The following FAM53B variants were observed in gnomAD, a reference collection of about 807,000 sequenced individuals.
FAM53B encodes protein FAM53B.
Under a neutral mutation model 32.7 loss-of-function variants are expected in FAM53B, and 12 were observed. That is an observed-to-expected ratio of 0.37 (90% confidence interval 0.24 to 0.59). The LOEUF is 0.59. Ranked by LOEUF, FAM53B falls within the 20% of genes least tolerant of loss-of-function variation. FAM53B has a pLI of 0.72. For synonymous variants in FAM53B, 234 were observed against 228.7 expected, an observed-to-expected ratio of 1.02 and a Z score of -0.21; for missense variants, 477 against 577.7, an observed-to-expected ratio of 0.83 and a Z score of 1.79.
chr10:124,632,848 C>A (rs1949400361), intron 4 of FAM53B, among the ~76,000 whole-genome samples: 1 of 152,230 alleles, frequency 6.6e-6, no homozygotes, highest in Non-Finnish European at 1.5e-5. Context: ...GGAAAGCATG[C>A]AGTCCTCCGG....
At chr10:124,662,099 G>C (rs1464391080) in intron 4 of FAM53B, among the ~76,000 whole-genome samples, 2 of 152,178 alleles carry the variant, frequency 1.3e-5, no homozygotes, top group Non-Finnish European at 2.9e-5. Flanking sequence ...GATGGGAGGG[G>C]CCTGGCACCC....
At position 124,657,114 on chromosome 10, in the gene FAM53B, G is replaced by GTGTATATATA. The variant is rs1564869721; in HGVS notation, c.906+24492_906+24493insTATATATACA. Among the ~76,000 whole-genome samples the GTGTATATATA allele has an allele frequency of 3.7e-3, 514 of 137,900 alleles. 3 individuals carry two copies. Among genetic ancestry groups the GTGTATATATA allele is most frequent in the Non-Finnish European group, 6.3e-3 (408 of 64,326 alleles). The allele number at this position is 137,900 out of a possible 152,430, so 90.5% of individuals were successfully genotyped here. A position where few individuals can be genotyped will look rare whatever the true frequency, so the allele number is the denominator to read the frequency against. The stretch of plus-strand genomic sequence containing the variant: ...TATATATATGTGTATATATATGTGT[G>GTGTATATATA]TGTGTATATATATGTGTGTATATAC... On this transcript the variant is annotated intron_variant, in intron 4 of 4. Coordinates refer to ENST00000337318, the MANE Select transcript of FAM53B (RefSeq NM_014661.4).
intron 1 of FAM53B, among the ~76,000 whole-genome samples, chr10:124,725,854 A>T (rs940902659): frequency 1.4e-4 from 21 of 152,210 alleles, no homozygotes; most frequent in Non-Finnish European, 4.4e-5. Flanking sequence ...CCAGAAAATA[A>T]GATGCAGTGG....
intron 4 of FAM53B, among the ~76,000 whole-genome samples, chr10:124,633,609 C>G (rs1949406666): frequency 6.6e-6 from 1 of 152,116 alleles, no homozygotes; most frequent in South Asian, 2.1e-4. Flanking sequence ...ACATGCATAC[C>G]TACAGAGACC....
At chr10:124,660,279 G>A (rs571481711) in intron 4 of FAM53B, among the ~76,000 whole-genome samples, 4 of 152,266 alleles carry the variant, frequency 2.6e-5, no homozygotes, top group East Asian at 3.9e-4. Context: ...ATCCATCCTC[G>A]CTCTGGCCCA....
chr10:124,671,281 A>G (rs979900830), intron 4 of FAM53B: 10 of 437,512 alleles, frequency 2.3e-5, no homozygotes, highest in Non-Finnish European at 3.8e-5. Flanking sequence ...CCTGCCTCTC[A>G]GGTCTTGCCC....
intron 1 of FAM53B, among the ~76,000 whole-genome samples, chr10:124,719,585 C>T (rs572583263): frequency 6.6e-6 from 1 of 152,318 alleles, no homozygotes; most frequent in East Asian, 1.9e-4. Context: ...GCAGCACACC[C>T]CAAAATGCTT....
At chr10:124,723,314 G>C (rs1245415153) in intron 1 of FAM53B, among the ~76,000 whole-genome samples, 1 of 152,254 alleles carries the variant, frequency 6.6e-6, no homozygotes, top group Non-Finnish European at 1.5e-5. Context: ...CTTGGTGCCA[G>C]AGATACTGAA....
intron 1 of FAM53B, among the ~76,000 whole-genome samples, chr10:124,739,869 TG>T (rs1278006246): frequency 6.6e-6 from 1 of 152,194 alleles, no homozygotes; most frequent in Non-Finnish European, 1.5e-5. Context: ...CCTTCAAACG[TG>T]TTTTTATTTT....
chr10:124,620,044 TTC>T lies in FAM53B; in HGVS notation c.*3196_*3197del, dbSNP rs1949296489. On this transcript the variant is annotated 3_prime_UTR_variant, in exon 5 of 5. Transcript: ENST00000337318. ...GAAGTTAGTTAGGGTTTGTTTTGTT[TTC>T]TTTTTAATGTGGACTTCCCCTTTAT... 1 of 152,468 alleles carries T rather than the reference TTC, an allele frequency of 6.6e-6. No homozygotes were observed. Among genetic ancestry groups the T allele is most frequent in the African/African-American group, 2.4e-5 (1 of 41,458 alleles). The allele number at this position is 152,468 out of a possible 1,614,324, so 9.4% of individuals were successfully genotyped here.
intron 4 of FAM53B, among the ~76,000 whole-genome samples, chr10:124,648,850 A>G (rs2134049334): frequency 6.6e-6 from 1 of 152,352 alleles, no homozygotes; most frequent in Non-Finnish European, 1.5e-5. Context: ...TGAGAAGAGA[A>G]AGCACCGTCC....
chr10:124,715,185 G>C (rs1950031517), intron 1 of FAM53B, among the ~76,000 whole-genome samples: 1 of 152,208 alleles, frequency 6.6e-6, no homozygotes, highest in Non-Finnish European at 1.5e-5. Context: ...AGCCCATCCT[G>C]AGGTGTCCCA....
chr10:124,687,452 A>T (rs1040940343), intron 3 of FAM53B, among the ~76,000 whole-genome samples: 7 of 152,246 alleles, frequency 4.6e-5, no homozygotes, highest in African/African-American at 1.7e-4. Flanking sequence ...CCTCGTAGCT[A>T]TTATGAGAAT....
chr10:124,710,627 G>A (rs1949995259), intron 1 of FAM53B, among the ~76,000 whole-genome samples: 1 of 152,192 alleles, frequency 6.6e-6, no homozygotes, highest in Non-Finnish European at 1.5e-5. Flanking sequence ...CACAGGGCGC[G>A]AGGTGGAAGC....
At chr10:124,638,479 G>A (rs1000559129) in intron 4 of FAM53B, among the ~76,000 whole-genome samples, 12 of 152,246 alleles carry the variant, frequency 7.9e-5, no homozygotes, top group Admixed American at 7.8e-4. Context: ...AAATAAAACT[G>A]CCCTAGAGGG....
intron 1 of FAM53B, among the ~76,000 whole-genome samples, chr10:124,737,920 A>G (rs1434574033): frequency 6.6e-6 from 1 of 152,160 alleles, no homozygotes; most frequent in Non-Finnish European, 1.5e-5. Flanking sequence ...CAGGGCCTGC[A>G]TGAGAACTGC....
chr10:124,717,804 G>A (rs1950046199), intron 1 of FAM53B, among the ~76,000 whole-genome samples: 2 of 152,170 alleles, frequency 1.3e-5, no homozygotes, highest in South Asian at 4.1e-4. Context: ...CAGGAAGTTA[G>A]CCAGTGACCA....
Position 124,620,292 on chromosome 10 carries a change from G to C in FAM53B, c.*2950C>G, listed in dbSNP as rs900083193. Reference sequence around the variant, plus strand: ...TGTGGCCCCAGCCCCTGGGCCCCACGGGTGGACGGCAGCCCCTGGCAGTTT... The same window carrying C: ...TGTGGCCCCAGCCCCTGGGCCCCACCGGTGGACGGCAGCCCCTGGCAGTTT... On this transcript the variant is annotated 3_prime_UTR_variant, in exon 5 of 5. Transcript: ENST00000337318. 11 of 152,590 alleles carry C rather than the reference G, an allele frequency of 7.2e-5. No homozygotes were observed. Among genetic ancestry groups the C allele is most frequent in the Admixed American group, 6.5e-4 (10 of 15,272 alleles). 9.5% of individuals were successfully genotyped at this position (152,590 alleles called of 1,614,324 possible). A position where few individuals can be genotyped will look rare whatever the true frequency, so the allele number is the denominator to read the frequency against.
At chr10:124,624,511 GC>G (rs1163638906) in intron 4 of FAM53B, among the ~76,000 whole-genome samples, 1 of 152,180 alleles carries the variant, frequency 6.6e-6, no homozygotes, top group Non-Finnish European at 1.5e-5. Flanking sequence ...GCCTTGCTGG[GC>G]CCTTTGAGGC....
Sources: gnomAD v4.1 joint callset for allele counts (sites outside exome capture counted in the v4.1 genomes callset) on GRCh38, gnomAD v4.1.1 for gene constraint, MANE v1.5 for transcripts, NCBI Gene and HGNC (gene_info 2026-07-23, HGNC 2026-07-21) for gene names.